ME3: variants seen among roughly 807,000 people sequenced by gnomAD.
ME3 encodes the protein NADP-dependent malic enzyme, mitochondrial.
A neutral mutation model predicts 68.9 loss-of-function variants in ME3; 48 were observed. The observed-to-expected ratio is 0.70, with a 90% CI of 0.55 to 0.89. ME3 has a LOEUF of 0.89. ME3 is among the 40% of genes least tolerant of loss of function. ME3 has a pLI of 0.00. For missense variants in ME3, 675 were observed against 797.4 expected (o/e 0.85, Z 1.85); for synonymous variants, 320 against 318.8 (o/e 1.00, Z -0.04).
rs892726939 is a variant in ME3 at position 86,656,890 on chromosome 11, G to C, written c.183+14872C>G. Among the ~76,000 whole-genome samples the C allele has an allele frequency of 1.2e-4, 18 of 151,230 alleles. No homozygotes were observed. In the East Asian group the frequency reaches 3.5e-3, roughly 29 times the overall value. Reference sequence around the variant, plus strand: ...AAAAGCTCATGATCAGTGGTCATTAGAGCAATGCAAAGTAAAACTACAATG... The same window carrying C: ...AAAAGCTCATGATCAGTGGTCATTACAGCAATGCAAAGTAAAACTACAATG... On this transcript the variant is annotated intron_variant, in intron 2 of 14. Transcript: ENST00000543262.
chr11:86,546,305 T>C (rs1956355698), intron 4 of ME3, among the ~76,000 whole-genome samples: 1 of 152,204 alleles, frequency 6.6e-6, no homozygotes, highest in East Asian at 1.9e-4. Context: ...AAAGCCAAAA[T>C]TGATAACTGT....
At chr11:86,452,414 G>A (rs1183658792) in intron 8 of ME3, among the ~76,000 whole-genome samples, 4 of 152,116 alleles carry the variant, frequency 2.6e-5, no homozygotes, top group East Asian at 1.9e-4. Context: ...TTCTAGGGGC[G>A]TATCTTCATA....
chr11:86,584,760 A>T (rs895806593), intron 2 of ME3, among the ~76,000 whole-genome samples: 2 of 152,214 alleles, frequency 1.3e-5, no homozygotes, highest in African/African-American at 4.8e-5. Flanking sequence ...ATAGAAGCAA[A>T]TAATAAAATG....
chr11:86,451,940 C>T lies in ME3; in HGVS notation c.920-1542G>A, dbSNP rs181991401. ...TGGCTTAGTAGATCAGTAGAATGGC[C>T]TACTGAAGAATTACCTAAGACTTAA... On this transcript the variant is annotated intron_variant, in intron 8 of 14. Coordinates refer to ENST00000543262, the Ensembl canonical transcript of ME3. 1.1e-3 allele frequency among the ~76,000 whole-genome samples: 172 copies of T among 152,254 alleles called. 2 individuals are homozygous for T. Among genetic ancestry groups the T allele is most frequent in the Admixed American group, 0.011 (168 of 15,300 alleles).
At chr11:86,630,429 G>A (rs1232334242) in intron 2 of ME3, among the ~76,000 whole-genome samples, 1 of 152,160 alleles carries the variant, frequency 6.6e-6, no homozygotes, top group African/African-American at 2.4e-5. Context: ...ATGATGTTAT[G>A]GATTGTGCTG....
intron 2 of ME3, among the ~76,000 whole-genome samples, chr11:86,592,295 A>G (rs1002928774): frequency 6.6e-6 from 1 of 152,170 alleles, no homozygotes; most frequent in East Asian, 1.9e-4. Flanking sequence ...TTGCTTCACA[A>G]AGTTCCCAAT....
At chr11:86,533,388 A>C (rs1955403529) in intron 4 of ME3, among the ~76,000 whole-genome samples, 1 of 152,312 alleles carries the variant, frequency 6.6e-6, no homozygotes, top group East Asian at 1.9e-4. Flanking sequence ...GAATTGGATA[A>C]TCTACAAGAA....
At chr11:86,584,975 A>G (rs1423776515) in intron 2 of ME3, among the ~76,000 whole-genome samples, 3 of 152,244 alleles carry the variant, frequency 2.0e-5, no homozygotes, top group African/African-American at 4.8e-5. Flanking sequence ...AAACTGTGAT[A>G]AAGACTAATA....
intron 2 of ME3, among the ~76,000 whole-genome samples, chr11:86,636,085 A>T (rs1944314968): frequency 6.6e-6 from 1 of 152,124 alleles, no homozygotes; most frequent in African/African-American, 2.4e-5. Flanking sequence ...CTAGAAAGAA[A>T]CCTGGGTGCT....
intron 2 of ME3, among the ~76,000 whole-genome samples, chr11:86,611,721 G>T (rs1047856992): frequency 2.0e-5 from 3 of 151,856 alleles, no homozygotes; most frequent in Non-Finnish European, 4.4e-5. Flanking sequence ...GGCCTTGATT[G>T]TTGGCTCTTA....
At chr11:86,512,122 G>A (rs1333985768) in intron 4 of ME3, among the ~76,000 whole-genome samples, 1 of 152,080 alleles carries the variant, frequency 6.6e-6, no homozygotes, top group African/African-American at 2.4e-5. Context: ...CAATACCATG[G>A]TCTTCGTGAA....
downstream of ME3, chr11:86,436,740 T>C (rs1038639301): frequency 6.6e-6 from 1 of 152,122 alleles, no homozygotes; most frequent in Admixed American, 6.5e-5. Flanking sequence ...TAACTTTTTT[T>C]TGCATGTGGA....
chr11:86,613,616 C>A (rs1245474416), intron 2 of ME3, among the ~76,000 whole-genome samples: 1 of 152,172 alleles, frequency 6.6e-6, no homozygotes, highest in Non-Finnish European at 1.5e-5. Context: ...GCAACTTCAG[C>A]AAAGTCTCAG....
chr11:86,647,599 T>G (rs1293183884), intron 2 of ME3, among the ~76,000 whole-genome samples: 2 of 149,034 alleles, frequency 1.3e-5, no homozygotes, highest in Non-Finnish European at 3.0e-5. Flanking sequence ...AAGCAGGGGT[T>G]GCAATACTAG....
intron 4 of ME3, among the ~76,000 whole-genome samples, chr11:86,528,363 T>G (rs1954929935): frequency 6.6e-6 from 1 of 152,180 alleles, no homozygotes; most frequent in Non-Finnish European, 1.5e-5. Flanking sequence ...AAGCAAGTCC[T>G]TAGAGACCTA....
intron 2 of ME3, among the ~76,000 whole-genome samples, chr11:86,624,529 A>G (rs1020591616): frequency 1.3e-5 from 2 of 152,222 alleles, no homozygotes; most frequent in African/African-American, 2.4e-5. Context: ...TACCTCATGC[A>G]GAGTTTCTGG....
At chr11:86,648,547 T>C (rs533481881) in intron 2 of ME3, among the ~76,000 whole-genome samples, 24 of 151,188 alleles carry the variant, frequency 1.6e-4, no homozygotes, top group African/African-American at 5.3e-4. Flanking sequence ...TCCAGGGAAC[T>C]GGTTCTTTGG....
At chr11:86,520,104 T>A (rs181505195) in intron 4 of ME3, among the ~76,000 whole-genome samples, 3 of 152,268 alleles carry the variant, frequency 2.0e-5, no homozygotes, top group African/African-American at 7.2e-5. Context: ...AGGTGGGAAG[T>A]TACAGAGGGA....
intron 2 of ME3, among the ~76,000 whole-genome samples, chr11:86,560,902 A>G (rs1217022436): frequency 6.6e-6 from 1 of 151,412 alleles, no homozygotes; most frequent in East Asian, 1.9e-4. Flanking sequence ...AGCCCTGGTC[A>G]GGTATTTTGC....
Sources: allele counts gnomAD v4.1 joint callset (sites outside exome capture counted in the v4.1 genomes callset), GRCh38; gene constraint gnomAD v4.1.1; transcripts MANE v1.5; gene names NCBI Gene and HGNC (gene_info 2026-07-23, HGNC 2026-07-21).